Variants in DPP6 observed in about 807,000 individuals in gnomAD.
DPP6 encodes the protein A-type potassium channel modulatory protein DPP6.
In DPP6, 69 loss-of-function variants were observed where a neutral mutation model predicts 122.6. The observed-to-expected ratio is 0.56, with a 90% confidence interval of 0.46 to 0.69. The LOEUF (loss-of-function observed/expected upper bound fraction) is 0.69. Ranked by LOEUF, DPP6 falls within the 30% of genes least tolerant of loss-of-function variation. The pLI is 0.00. For missense variants in DPP6, 928 were observed against 1,116.9 expected, an observed-to-expected ratio of 0.83 and a Z score of 2.41; for synonymous variants, 418 against 433.1, an observed-to-expected ratio of 0.97 and a Z score of 0.43.
At chr7:154,365,329 C>A (rs1205755026) in intron 1 of DPP6, among the ~76,000 whole-genome samples, 1 of 152,096 alleles carries the variant, frequency 6.6e-6, no homozygotes, top group Non-Finnish European at 1.5e-5. Context: ...TTTAATGAAC[C>A]ACAATCATGA....
chr7:154,310,825 G>A (rs1806807916), intron 1 of DPP6, among the ~76,000 whole-genome samples: 1 of 152,134 alleles, frequency 6.6e-6, no homozygotes, highest in Non-Finnish European at 1.5e-5. Flanking sequence ...AGGAATGAAC[G>A]GTCACCGTCT....
chr7:153,899,929 C>T (rs1260026231), intron 1 of DPP6, among the ~76,000 whole-genome samples: 6 of 152,212 alleles, frequency 3.9e-5, no homozygotes, highest in Non-Finnish European at 7.3e-5. Flanking sequence ...TTGATGTTGA[C>T]TCTCAGTTTG....
intron 7 of DPP6, among the ~76,000 whole-genome samples, chr7:154,702,438 G>A (rs754105279): frequency 1.1e-4 from 16 of 152,276 alleles, no homozygotes; most frequent in South Asian, 4.1e-4. Flanking sequence ...AATTGTGAAG[G>A]CAAAGGAAAA....
chr7:154,172,950 T>C (rs2150731892), intron 1 of DPP6, among the ~76,000 whole-genome samples: 1 of 152,246 alleles, frequency 6.6e-6, no homozygotes, highest in East Asian at 1.9e-4. Context: ...CAGAAAACAT[T>C]ATATGTGTGT....
At position 154,031,347 on chromosome 7, in the gene DPP6, T is replaced by C. The variant is rs868112378; in HGVS notation, c.51+143613T>C. Among the ~76,000 whole-genome samples, 105 of 149,972 alleles carry C rather than the reference T, an allele frequency of 7.0e-4. 1 individual carries two copies. Among genetic ancestry groups the C allele is most frequent in the African/African-American group, 2.4e-3 (98 of 40,066 alleles). ...TCATCTCAGACTCTAAAGCAAGGTT[T>C]CTTAACGTGGGGTCCCAGGGGCCTG... is the stretch of plus-strand genomic sequence containing the variant. On this transcript the variant is annotated intron_variant, in intron 1 of 25. Coordinates refer to the DPP6 transcript ENST00000404039.
At chr7:153,937,437 CTTTTTTTTTT>C (rs201001951) in intron 1 of DPP6, among the ~76,000 whole-genome samples, 4 of 115,508 alleles carry the variant, frequency 3.5e-5, no homozygotes, top group Non-Finnish European at 6.9e-5. Flanking sequence ...TCAGAGCTAA[CTTTTTTTTTT>C]TTTTTTTTTT....
intron 1 of DPP6, among the ~76,000 whole-genome samples, chr7:154,157,430 G>A (rs181942444): frequency 2.5e-4 from 38 of 152,268 alleles, no homozygotes; most frequent in Admixed American, 2.0e-3. Flanking sequence ...CTTGTGCTTC[G>A]TGTTTGTTTT....
In DPP6 at chr7:154,061,643, C is replaced by T. The variant is rs1421735282; in HGVS notation, c.243+8580C>T. On this transcript the variant is annotated intron_variant, in intron 1 of 25. Transcript: ENST00000377770. ...GGGGGGGGAGGCACCCGCTGCGAGG[C>T]GGGGACTCAGAGCCAACCCCTCTTC... 3.2e-4 allele frequency among the ~76,000 whole-genome samples: 42 copies of T among 132,956 alleles called. 2 individuals carry two copies. The highest frequency in any genetic ancestry group is 6.5e-4 in the Admixed American group (9 of 13,788). 87.2% of individuals were successfully genotyped at this position (132,956 alleles called of 152,430 possible).
intron 4 of DPP6, among the ~76,000 whole-genome samples, chr7:154,555,284 C>T (rs974797531): frequency 6.6e-6 from 1 of 151,964 alleles, no homozygotes; most frequent in Non-Finnish European, 1.5e-5. Context: ...TACTATGCAG[C>T]CATAAAAAAT....
chr7:154,097,563 C>T (rs1805417803), intron 1 of DPP6, among the ~76,000 whole-genome samples: 1 of 152,266 alleles, frequency 6.6e-6, no homozygotes, highest in Non-Finnish European at 1.5e-5. Flanking sequence ...ATTTAAAATA[C>T]AGGATTATCA....
At chr7:153,788,815 A>G in the DPP6 span, among the ~76,000 whole-genome samples, 1 of 152,034 alleles carries the variant, frequency 6.6e-6, no homozygotes, top group African/African-American at 2.4e-5. Flanking sequence ...AATACAAAAC[A>G]TTAGCCAGGC....
chr7:154,121,483 T>C (rs540820741), intron 1 of DPP6, among the ~76,000 whole-genome samples: 241 of 152,352 alleles, frequency 1.6e-3, no homozygotes, highest in African/African-American at 5.2e-3. Flanking sequence ...TTTGTTTTTA[T>C]TCAGCTCAAA....
At chr7:153,816,134 T>C in the DPP6 span, among the ~76,000 whole-genome samples, 1 of 151,804 alleles carries the variant, frequency 6.6e-6, no homozygotes, top group Admixed American at 6.6e-5. Context: ...AAAATGGAGA[T>C]AAATAATTAT....
At chr7:154,141,094 T>G (rs1795819355) in intron 1 of DPP6, among the ~76,000 whole-genome samples, 1 of 152,208 alleles carries the variant, frequency 6.6e-6, no homozygotes, top group Non-Finnish European at 1.5e-5. Context: ...TGTATGGACA[T>G]TGAAGAGTTG....
At chr7:154,311,569 A>G (rs1277335490) in intron 1 of DPP6, among the ~76,000 whole-genome samples, 1 of 152,142 alleles carries the variant, frequency 6.6e-6, no homozygotes, top group Admixed American at 6.5e-5. Context: ...TGTTGGTGCA[A>G]TTCTGCATGT....
chr7:153,782,195 C>A, the DPP6 span, among the ~76,000 whole-genome samples: 2 of 151,896 alleles, frequency 1.3e-5, no homozygotes, highest in African/African-American at 4.8e-5. Flanking sequence ...ATCCTAATCA[C>A]ACCAAAGGGA....
intron 1 of DPP6, among the ~76,000 whole-genome samples, chr7:154,181,497 A>T (rs1462242614): frequency 6.6e-6 from 1 of 152,194 alleles, no homozygotes; most frequent in Non-Finnish European, 1.5e-5. Flanking sequence ...GACGGCCTTA[A>T]ATAAAGATCC....
At chr7:154,368,126 A>G (rs1274371130) in intron 1 of DPP6, among the ~76,000 whole-genome samples, 1 of 152,152 alleles carries the variant, frequency 6.6e-6, no homozygotes, top group Non-Finnish European at 1.5e-5. Flanking sequence ...ATACTGTGGA[A>G]TGTAAGTGAA....
intron 1 of DPP6, among the ~76,000 whole-genome samples, chr7:154,343,246 C>A (rs1451893751): frequency 6.6e-6 from 1 of 152,218 alleles, no homozygotes; most frequent in Non-Finnish European, 1.5e-5. Flanking sequence ...GATGAGAAAA[C>A]CAAGATTCTG....
Sources: allele counts gnomAD v4.1 joint callset (sites outside exome capture counted in the v4.1 genomes callset), GRCh38; gene constraint gnomAD v4.1.1; transcripts MANE v1.5; gene names NCBI Gene and HGNC (gene_info 2026-07-23, HGNC 2026-07-21).